SHISAL1: variants seen among roughly 807,000 people sequenced by gnomAD.
The protein encoded by SHISAL1 is shisa like 1, also known as protein shisa-like-1.
In SHISAL1, 9 loss-of-function variants were observed where a neutral mutation model predicts 22.6. That is an observed-to-expected ratio of 0.40 (90% CI 0.24 to 0.70). The LOEUF is 0.70. Among genes scored for constraint, SHISAL1 ranks in the 30% least tolerant of loss-of-function variants. The pLI, the probability that SHISAL1 is intolerant of heterozygous loss-of-function variation, is 0.39. For synonymous variants in SHISAL1, 119 were observed against 115.4 expected, an observed-to-expected ratio of 1.03 and a Z score of -0.20; for missense variants, 246 against 270.6, an observed-to-expected ratio of 0.91 and a Z score of 0.64.
chr22:44,259,006 C>T (rs1055801204), intron 4 of SHISAL1, among the ~76,000 whole-genome samples: 37 of 152,252 alleles, frequency 2.4e-4, no homozygotes, highest in Admixed American at 2.2e-3. Flanking sequence ...GGGTTGGAAA[C>T]CAGAATGAAG....
Position 44,249,505 on chromosome 22 carries a change from G to A in SHISAL1, c.*180C>T, listed in dbSNP as rs2055031336. ...CTGCACCCCCAGCCCCTACCCCTGAGTTTGCTCCTAATCTTAGAAGTCCGC... is the reference window on the plus strand; with the variant it reads ...CTGCACCCCCAGCCCCTACCCCTGAATTTGCTCCTAATCTTAGAAGTCCGC... On this transcript the variant is annotated 3_prime_UTR_variant, in exon 5 of 5. Coordinates refer to ENST00000381176, the MANE Select transcript of SHISAL1 (RefSeq NM_001099294.2). 1.8e-6 allele frequency: 1 copy of A among 544,384 alleles called. No individual in the cohort carries two copies. Among genetic ancestry groups the A allele is most frequent in the Non-Finnish European group, 3.4e-6 (1 of 294,950 alleles). 33.7% of individuals were successfully genotyped at this position (544,384 alleles called of 1,614,324 possible).
rs1491154287 is a variant in SHISAL1, at chr22:44,253,425, A to ATTTTTTTTTTTT, written c.*-3741_*-3740insAAAAAAAAAAAA. ...AAGCAGAGTATGCTAGTATTAGTGC[A>ATTTTTTTTTTTT]TGTTTTTTTTTTTTTTTTTTTTTGA... is the stretch of plus-strand genomic sequence containing the variant. On this transcript the variant is annotated intron_variant, in intron 4 of 4. Transcript: ENST00000381176. Among the ~76,000 whole-genome samples, 4 of 107,884 alleles carry ATTTTTTTTTTTT rather than the reference A, an allele frequency of 3.7e-5. 2 individuals carry two copies. The highest frequency in any genetic ancestry group is 6.4e-5 in the African/African-American group (2 of 31,034). The allele number at this position is 107,884 out of a possible 152,430, so 70.8% of individuals were successfully genotyped here.
In SHISAL1 at chr22:44,296,652, A is replaced by AC. The variant is rs1188371190; in HGVS notation, c.281+19dup. The AC allele has an allele frequency of 1.2e-6, 2 of 1,610,136 alleles. No individual in the cohort carries two copies. The highest frequency in any genetic ancestry group is 2.2e-5 in the East Asian group (1 of 44,838). On this transcript the variant is annotated intron_variant, in intron 3 of 4. Coordinates refer to ENST00000381176, the MANE Select transcript of SHISAL1 (RefSeq NM_001099294.2). ...CTGGGGCCCGAGGCAGTGGGGTTGC[A>AC]CCCCCAGAGTGGCACTCACTTGTGC...
chr22:44,306,917 G>A (rs1448757448), intron 1 of SHISAL1, among the ~76,000 whole-genome samples: 1 of 148,158 alleles, frequency 6.7e-6, no homozygotes, highest in Non-Finnish European at 1.5e-5. Flanking sequence ...GTGTGGAAGG[G>A]ACCTGTGCTC....
chr22:44,271,692 T>C (rs2055206627), intron 4 of SHISAL1, among the ~76,000 whole-genome samples: 1 of 152,244 alleles, frequency 6.6e-6, no homozygotes, highest in Non-Finnish European at 1.5e-5. Context: ...CTGCAAAGCC[T>C]AATCTGGGAG....
At chr22:44,329,380 T>A in the SHISAL1 span, among the ~76,000 whole-genome samples, 1 of 152,068 alleles carries the variant, frequency 6.6e-6, no homozygotes, top group Non-Finnish European at 1.5e-5. Flanking sequence ...CCTACCCCTC[T>A]CATCTGGTCC....
chr22:44,328,407 C>T, the SHISAL1 span, among the ~76,000 whole-genome samples: 2 of 152,168 alleles, frequency 1.3e-5, no homozygotes, highest in African/African-American at 4.8e-5. Flanking sequence ...GTGTGCTCAG[C>T]ATGGTACCTG....
intron 1 of SHISAL1, among the ~76,000 whole-genome samples, chr22:44,306,614 C>A (rs1347996243): frequency 8.0e-6 from 1 of 124,678 alleles, no homozygotes; most frequent in African/African-American, 3.0e-5. Flanking sequence ...GAACTGGGCT[C>A]AAGGAGCTGT....
At chr22:44,301,700 A>G (rs986145357) in intron 1 of SHISAL1, among the ~76,000 whole-genome samples, 1 of 152,138 alleles carries the variant, frequency 6.6e-6, no homozygotes. Flanking sequence ...GTGGCCCGTC[A>G]CACAATGCAC....
chr22:44,302,003 A>G (rs2055433156), intron 1 of SHISAL1, among the ~76,000 whole-genome samples: 1 of 152,118 alleles, frequency 6.6e-6, no homozygotes. Flanking sequence ...GGAGGGTCGC[A>G]CAACACTGAA....
In SHISAL1 at chr22:44,285,544, C is replaced by T. The variant is rs1459364163; in HGVS notation, c.483G>A (p.Arg161=). 2.0e-6 allele frequency: 3 copies of T among 1,538,336 alleles called. No individual in the cohort carries two copies. Among genetic ancestry groups the T allele is most frequent in the Middle Eastern group, 1.7e-4 (1 of 5,978 alleles). Residue 161 remains arginine (R), a synonymous_variant, in exon 4 of 5, where the codon CGG becomes CGA. Transcript: ENST00000381176. The part of the protein sequence containing the change: ...NPARAPRPGQ[R]APQPQPPPGP... The stretch of plus-strand genomic sequence containing the variant: ...CTGGGGGAGGCTGCGGCTGTGGGGC[C>T]CGCTGACCCGGCCGAGGGGCCCGAG...
chr22:44,263,273 G>A (rs921137904), intron 4 of SHISAL1, among the ~76,000 whole-genome samples: 1 of 151,984 alleles, frequency 6.6e-6, no homozygotes, highest in Admixed American at 6.6e-5. Context: ...GTTTTGCCAT[G>A]TTGGCTAGGC....
At chr22:44,249,966 GGATAAC>G (rs2055035731) in intron 4 of SHISAL1, among the ~76,000 whole-genome samples, 1 of 152,174 alleles carries the variant, frequency 6.6e-6, no homozygotes, top group African/African-American at 2.4e-5. Flanking sequence ...AGTTAATTGT[GGATAAC>G]TTACATAGAA....
At chr22:44,309,351 A>T (rs1452066953) in intron 1 of SHISAL1, among the ~76,000 whole-genome samples, 2 of 152,198 alleles carry the variant, frequency 1.3e-5, no homozygotes, top group Admixed American at 6.5e-5. Flanking sequence ...TAGTAATTCA[A>T]CAGGGCAGGG....
upstream of SHISAL1, among the ~76,000 whole-genome samples, chr22:44,313,056 G>A (rs1313266927): frequency 6.6e-6 from 1 of 152,314 alleles, no homozygotes; most frequent in Non-Finnish European, 1.5e-5. Flanking sequence ...GGATGGCAGC[G>A]GCTGCTCCCG....
rs767496584 is a variant in SHISAL1 at position 44,249,636 on chromosome 22, G to A, written c.*49C>T. On this transcript the variant is annotated 3_prime_UTR_variant, in exon 5 of 5. Coordinates refer to ENST00000381176, the MANE Select transcript of SHISAL1 (RefSeq NM_001099294.2). The stretch of plus-strand genomic sequence containing the variant: ...GTTGTTCTTCTCGGAGGCTGCACCG[G>A]GTGCTTCAGATCTCATCTCCCCCAT... 6 of 778,986 alleles carry A rather than the reference G, an allele frequency of 7.7e-6. No individual in the cohort carries two copies. The Admixed American group carries it at 1.0e-4, about 13-fold the overall frequency. The allele number at this position is 778,986 out of a possible 1,614,324, so 48.3% of individuals were successfully genotyped here. A position where few individuals can be genotyped will look rare whatever the true frequency, so the allele number is the denominator to read the frequency against.
chr22:44,286,123 T>A (rs962998322), intron 3 of SHISAL1, among the ~76,000 whole-genome samples: 1 of 152,166 alleles, frequency 6.6e-6, no homozygotes, highest in African/African-American at 2.4e-5. Flanking sequence ...CTCTCCCTCC[T>A]TCCTGCAGGT....
intron 4 of SHISAL1, among the ~76,000 whole-genome samples, chr22:44,259,622 G>C (rs2147271693): frequency 6.6e-6 from 1 of 152,174 alleles, no homozygotes; most frequent in South Asian, 2.1e-4. Flanking sequence ...CTGCATGTGG[G>C]GATGGGCAGA....
chr22:44,313,915 T>A (rs1204780577), upstream of SHISAL1, among the ~76,000 whole-genome samples: 1 of 152,070 alleles, frequency 6.6e-6, no homozygotes, highest in Non-Finnish European at 1.5e-5. Flanking sequence ...GTGCCCCTCA[T>A]CTAACCACGG....
Sources: allele counts gnomAD v4.1 joint callset (sites outside exome capture counted in the v4.1 genomes callset), GRCh38; gene constraint gnomAD v4.1.1; transcripts MANE v1.5; gene names NCBI Gene and HGNC (gene_info 2026-07-23, HGNC 2026-07-21).